Variants in ANK3 observed in about 807,000 individuals in gnomAD.
ANK3 encodes the protein ankyrin-3.
ANK3 carries 57 observed loss-of-function variants against 370.9 expected under a neutral mutation model. That is an observed-to-expected ratio of 0.15 (90% CI 0.12 to 0.19). ANK3 has a LOEUF of 0.19. Ranked by LOEUF, ANK3 falls within the 10% of genes least tolerant of loss-of-function variation. The pLI is 1.00. For missense variants in ANK3, 4,439 were observed against 5,302.1 expected (o/e 0.84, Z 5.06); for synonymous variants, 1,929 against 1,946.3 (o/e 0.99, Z 0.23).
chr10:60,580,101 G>C (rs2077730627), intron 2 of ANK3, among the ~76,000 whole-genome samples: 1 of 152,048 alleles, frequency 6.6e-6, no homozygotes, highest in South Asian at 2.1e-4. Flanking sequence ...CATTTCTTTG[G>C]CTGGTAGAAC....
intron 1 of ANK3, among the ~76,000 whole-genome samples, chr10:60,716,802 C>T (rs1035759610): frequency 2.6e-5 from 4 of 152,168 alleles, no homozygotes; most frequent in Non-Finnish European, 4.4e-5. Context: ...AGGCATGAAC[C>T]ACTGTGCCCA....
intron 1 of ANK3, among the ~76,000 whole-genome samples, chr10:60,716,570 G>C (rs1354186193): frequency 6.6e-6 from 1 of 152,140 alleles, no homozygotes; most frequent in East Asian, 1.9e-4. Flanking sequence ...CTGGAGTGTA[G>C]TGGCACATTC....
At chr10:60,602,164 T>C (rs2078073335) in intron 2 of ANK3, among the ~76,000 whole-genome samples, 1 of 152,136 alleles carries the variant, frequency 6.6e-6, no homozygotes, top group Admixed American at 6.6e-5. Flanking sequence ...CAAAAATCCA[T>C]AAAATCAGTA....
chr10:60,138,815 T>C (rs766641394), intron 24 of ANK3, 149 bp downstream of exon 24: 41 of 918,442 alleles, frequency 4.5e-5, no homozygotes, highest in Non-Finnish European at 6.1e-5. Flanking sequence ...TAGCAGAGCA[T>C]GTGTATTTGC....
intron 1 of ANK3, among the ~76,000 whole-genome samples, chr10:60,680,353 C>T (rs1006365961): frequency 2.0e-5 from 3 of 152,206 alleles, no homozygotes; most frequent in African/African-American, 7.2e-5. Flanking sequence ...GCAGTGAGGG[C>T]CAGCATGGCC....
In ANK3 at chr10:60,093,487, C is replaced by G. The variant is rs1332257381; in HGVS notation, c.3329-5129G>C. 3.3e-5 allele frequency among the ~76,000 whole-genome samples: 5 copies of G among 152,090 alleles called. No individual in the cohort carries two copies. The East Asian group carries it at 9.6e-4, about 29-fold the overall frequency. ...AAATTTACTTGAGATCAGTCTAGAC[C>G]CACCAGAGGAACTGAGGCATCTTTT... On this transcript the variant is annotated intron_variant, in intron 28 of 43. Transcript: ENST00000280772.
At chr10:60,414,738 GCTTT>G (rs1367872956) in intron 2 of ANK3, among the ~76,000 whole-genome samples, 1 of 152,130 alleles carries the variant, frequency 6.6e-6, no homozygotes, top group Non-Finnish European at 1.5e-5. Flanking sequence ...TGGTTCCATC[GCTTT>G]TTTTGGCTGA....
chr10:60,325,935 G>T (rs10821725), intron 1 of ANK3, among the ~76,000 whole-genome samples: 1 of 151,986 alleles, frequency 6.6e-6, no homozygotes, highest in Admixed American at 6.5e-5. Flanking sequence ...TACACCATGG[G>T]ATACTATGCA....
intron 2 of ANK3, among the ~76,000 whole-genome samples, chr10:60,607,053 G>C (rs1274129365): frequency 6.6e-6 from 1 of 152,074 alleles, no homozygotes; most frequent in Non-Finnish European, 1.5e-5. Context: ...ACAGATAAAG[G>C]CCTATAAAGA....
intron 11 of ANK3, 36 bp downstream of exon 11, chr10:60,205,756 T>C: frequency 6.8e-7 from 1 of 1,467,642 alleles, no homozygotes; most frequent in Non-Finnish European, 9.6e-7. Context: ...ATACTCTCAG[T>C]ATCTCAGGAC....
chr10:60,136,105 T>C (rs2094331273), intron 24 of ANK3, among the ~76,000 whole-genome samples: 1 of 151,920 alleles, frequency 6.6e-6, no homozygotes, highest in Non-Finnish European at 1.5e-5. Context: ...TTCCCCAGTT[T>C]CAATTGCAAG....
chr10:60,707,068 C>T (rs1025339531), intron 1 of ANK3, among the ~76,000 whole-genome samples: 2 of 152,034 alleles, frequency 1.3e-5, no homozygotes, highest in African/African-American at 2.4e-5. Context: ...TCTAGGAGTT[C>T]ATAATCAATA....
At chr10:60,455,961 C>G (rs753758081) in intron 2 of ANK3, among the ~76,000 whole-genome samples, 2 of 152,174 alleles carry the variant, frequency 1.3e-5, no homozygotes, top group African/African-American at 4.8e-5. Context: ...CAACCAAGTT[C>G]TGTGTGACCA....
chr10:60,313,933 T>C (rs1391669135), intron 1 of ANK3, among the ~76,000 whole-genome samples: 1 of 151,496 alleles, frequency 6.6e-6, no homozygotes, highest in Non-Finnish European at 1.5e-5. Context: ...TTTTTGTTTT[T>C]TTTTTTTTTG....
At chr10:60,125,539 T>G (rs974789488) in intron 25 of ANK3, among the ~76,000 whole-genome samples, 1 of 152,230 alleles carries the variant, frequency 6.6e-6, no homozygotes, top group Non-Finnish European at 1.5e-5. Context: ...CAAAGATGCC[T>G]ATCTTCTAGG....
At position 60,070,353 on chromosome 10, in the gene ANK3, G is replaced by A; in HGVS notation, c.10528C>T (p.Pro3510Ser). The change falls in exon 37 of 44, where the codon CCT becomes TCT. Residue 3510 changes from proline to serine, a missense_variant. Pro to Ser is a moderately conservative substitution (Grantham distance 74, BLOSUM62 -1). Around this residue, in one of 13 missense-constraint regions of ANK3, gnomAD observed 1,601 missense variants for 1,731.7 expected, o/e 0.92. Transcript: ENST00000280772. The surrounding 1 kb of genome is among the most constrained non-coding windows in gnomAD (Gnocchi z 5.7). Reference protein sequence around the residue: ...AQFFTLEGRHPDRSVFPDTYF... With the variant: ...AQFFTLEGRHSDRSVFPDTYF... ...GTATCAGGAAACACTGATCTGTCAG[G>A]ATGTCTGCCTTCCAGTGTGAAGAAC... The A allele has an allele frequency of 6.2e-7, 1 of 1,614,042 alleles. No individual in the cohort carries two copies. The highest frequency in any genetic ancestry group is 8.5e-7 in the Non-Finnish European group (1 of 1,179,980).
intron 40 of ANK3, 48 bp downstream of exon 40, chr10:60,063,063 C>G (rs2080917373): frequency 6.4e-7 from 1 of 1,565,238 alleles, no homozygotes; most frequent in Non-Finnish European, 8.6e-7. Context: ...ACTGCACTTT[C>G]AAATTTTATC....
chr10:60,270,266 TC>T, intron 4 of ANK3, 37 bp from the exon 5 acceptor site: 1 of 1,447,146 alleles, frequency 6.9e-7, no homozygotes, highest in Non-Finnish European at 9.4e-7. Flanking sequence ...TCTGCAGCTT[TC>T]CAGAGACAAT....
chr10:60,620,970 A>G (rs1421292527), intron 1 of ANK3, among the ~76,000 whole-genome samples: 1 of 152,144 alleles, frequency 6.6e-6, no homozygotes, highest in Non-Finnish European at 1.5e-5. Context: ...AGACTTAGAG[A>G]GATTGACTAA....
Sources: gnomAD v4.1 joint callset for allele counts (sites outside exome capture counted in the v4.1 genomes callset) on GRCh38, gnomAD v4.1.1 for gene constraint, gnomAD v4.1.1 regional missense constraint, Gnocchi (gnomAD v3.1) non-coding constraint, MANE v1.5 for transcripts, NCBI Gene and HGNC (gene_info 2026-07-23, HGNC 2026-07-21) for gene names.